The following KCNG2 variants were observed in gnomAD, a reference collection of about 807,000 sequenced individuals.
The protein encoded by KCNG2 is voltage-gated potassium channel regulatory subunit KCNG2.
In KCNG2, 7 loss-of-function variants were observed where a neutral mutation model predicts 12.3. The observed-to-expected ratio is 0.57, with a 90% confidence interval of 0.32 to 1.07. KCNG2 has a LOEUF of 1.07. Among genes scored for constraint, KCNG2 ranks in the 50% least tolerant of loss-of-function variants. KCNG2 has a pLI of 0.04. For synonymous variants in KCNG2, 414 were observed against 351.4 expected, an observed-to-expected ratio of 1.18 and a Z score of -1.99; for missense variants, 703 against 726.0, an observed-to-expected ratio of 0.97 and a Z score of 0.36.
At chr18:79,849,638 G>A (rs2123046948) in intron 1 of KCNG2, among the ~76,000 whole-genome samples, 1 of 152,384 alleles carries the variant, frequency 6.6e-6, no homozygotes, top group South Asian at 2.1e-4. Context: ...TGAGGGCCCA[G>A]CGCGGACGCT....
intron 1 of KCNG2, among the ~76,000 whole-genome samples, chr18:79,838,364 C>T (rs1978364123): frequency 6.6e-6 from 1 of 151,498 alleles, no homozygotes; most frequent in Admixed American, 6.6e-5. Context: ...AATCTTCAAA[C>T]ACTGGAAATT....
Position 79,864,112 on chromosome 18 carries a change from G to C in KCNG2, c.445G>C (p.Ala149Pro). The change falls in exon 3 of 4, where the codon GCC becomes CCC. Residue 149 changes from alanine to proline, a missense_variant. Ala to Pro is a conservative substitution (Grantham distance 27). Coordinates refer to ENST00000316249, the MANE Select transcript of KCNG2 (RefSeq NM_012283.2). ...ERGAQGSPAR[A>P]LGPRGRLQRG... ...CGGGGCGCAGGGGAGCCCGGCGCGC[G>C]CCCTGGGACCTCGGGGGCGGCTGCA... 1 of 1,159,776 alleles carries C rather than the reference G, an allele frequency of 8.6e-7. No individual in the cohort carries two copies. Among genetic ancestry groups the C allele is most frequent in the Middle Eastern group, 3.7e-4 (1 of 2,668 alleles). 71.8% of individuals were successfully genotyped at this position (1,159,776 alleles called of 1,614,324 possible).
chr18:79,834,489 G>A (rs969791393), intron 1 of KCNG2, among the ~76,000 whole-genome samples: 1 of 152,178 alleles, frequency 6.6e-6, no homozygotes, highest in Non-Finnish European at 1.5e-5. Context: ...ACAAAGTCCG[G>A]CAGAGTCAAA....
At position 79,869,116 on chromosome 18, in the gene KCNG2, A is replaced by ACC. The variant is rs139835721; in HGVS notation, c.624+4828_624+4829dup. 9.4e-3 allele frequency among the ~76,000 whole-genome samples: 1,429 copies of ACC among 152,028 alleles called. 15 individuals are homozygous for ACC. Among genetic ancestry groups the ACC allele is most frequent in the Non-Finnish European group, 0.013 (916 of 67,956 alleles). Reference sequence around the variant, plus strand: ...ACACAGCCCTGCAGACACTGGGGAGACCCCGAGCCAGAGTCCAGCTGGGAC... The same window carrying ACC: ...ACACAGCCCTGCAGACACTGGGGAGACCCCCCGAGCCAGAGTCCAGCTGGGAC... On this transcript the variant is annotated intron_variant, in intron 3 of 3. Transcript: ENST00000316249.
Position 79,863,641 on chromosome 18 carries a change from G to A in KCNG2, c.-27G>A. 8.2e-7 allele frequency: 1 copy of A among 1,213,394 alleles called. No homozygotes were observed. Among genetic ancestry groups the A allele is most frequent in the Non-Finnish European group, 1.0e-6 (1 of 974,518 alleles). The allele number at this position is 1,213,394 out of a possible 1,614,324, so 75.2% of individuals were successfully genotyped here. ...TTCCTTTTGCAGGAGCCGGGCAGGAGCCCCTCGGTCCGGTCCGGCCCTGCG... is the reference window on the plus strand; with the variant it reads ...TTCCTTTTGCAGGAGCCGGGCAGGAACCCCTCGGTCCGGTCCGGCCCTGCG... On this transcript the variant is annotated 5_prime_UTR_variant, in exon 3 of 4. Transcript: ENST00000316249.
intron 3 of KCNG2, among the ~76,000 whole-genome samples, chr18:79,869,225 C>T (rs952135036): frequency 6.6e-6 from 1 of 152,126 alleles, no homozygotes; most frequent in Non-Finnish European, 1.5e-5. Flanking sequence ...CGCGCTGAGT[C>T]TCCTGCCCCT....
At chr18:79,895,640 T>A (rs1980942267) in intron 3 of KCNG2, among the ~76,000 whole-genome samples, 1 of 152,190 alleles carries the variant, frequency 6.6e-6, no homozygotes, top group South Asian at 2.1e-4. Flanking sequence ...CTGTGTCTGC[T>A]ATTGATTGGG....
Position 79,800,142 on chromosome 18 carries a change from G to A in KCNG2, c.-115+2128G>A, listed in dbSNP as rs948665963. Among the ~76,000 whole-genome samples the A allele has an allele frequency of 1.3e-5, 2 of 152,160 alleles. No individual in the cohort carries two copies. The highest frequency in any genetic ancestry group is 2.9e-5 in the Non-Finnish European group (2 of 68,022). ...GGCGCGTCTCTCTGCAGCCCTGGCA[G>A]GCGTGGGGGCGGGAGTGAAGGGAGC... On this transcript the variant is annotated intron_variant, in intron 1 of 3. Transcript: ENST00000316249. This position sits in a 1 kb window ranked among gnomAD's most constrained non-coding sequence, Gnocchi z 4.0.
chr18:79,871,784 C>T (rs1979842652), intron 3 of KCNG2, among the ~76,000 whole-genome samples: 1 of 152,262 alleles, frequency 6.6e-6, no homozygotes, highest in Non-Finnish European at 1.5e-5. Flanking sequence ...GCCGGCATCA[C>T]ATCCTAACCC....
At chr18:79,881,943 C>G (rs975418857) in intron 3 of KCNG2, among the ~76,000 whole-genome samples, 1 of 152,186 alleles carries the variant, frequency 6.6e-6, no homozygotes, top group Admixed American at 6.5e-5. Context: ...AGTGAAAAGG[C>G]CGGGCACGGA....
chr18:79,810,598 T>C (rs1371600198), intron 1 of KCNG2, among the ~76,000 whole-genome samples: 2 of 150,640 alleles, frequency 1.3e-5, no homozygotes, highest in African/African-American at 2.4e-5. Flanking sequence ...CAAGACCCTG[T>C]CTCTAAAAAA....
intron 3 of KCNG2, 30 bp downstream of exon 3, chr18:79,864,321 G>A: frequency 6.8e-7 from 1 of 1,468,502 alleles, no homozygotes. Context: ...GCGGGGACCG[G>A]GCCGGAGCTG....
intron 1 of KCNG2, among the ~76,000 whole-genome samples, chr18:79,799,365 G>T (rs2087389967): frequency 6.6e-6 from 1 of 152,170 alleles, no homozygotes. Context: ...CCTGTTCTCT[G>T]GGATGGTGCA....
chr18:79,855,908 C>G (rs551121958), intron 1 of KCNG2, among the ~76,000 whole-genome samples: 13 of 152,236 alleles, frequency 8.5e-5, no homozygotes, highest in African/African-American at 3.1e-4. Context: ...ATGTTGGAAG[C>G]CTTTTCCCCC....
chr18:79,896,287 T>G (rs952385294), intron 3 of KCNG2, among the ~76,000 whole-genome samples: 7 of 152,288 alleles, frequency 4.6e-5, no homozygotes, highest in Admixed American at 2.0e-4. Context: ...TTTTAAAGTT[T>G]TTTTTTTTTT....
At chr18:79,818,579 A>T (rs1599368970) in intron 1 of KCNG2, among the ~76,000 whole-genome samples, 1 of 152,158 alleles carries the variant, frequency 6.6e-6, no homozygotes, top group Non-Finnish European at 1.5e-5. Flanking sequence ...AAATTAAATG[A>T]CCCCAGCCCA....
At position 79,884,012 on chromosome 18, in the gene KCNG2, T is replaced by G. The variant is rs1416774087; in HGVS notation, c.625-15028T>G. Reference sequence around the variant, plus strand: ...CCGTCCCCCGCCCCCGTCTAGCCAGTCCCCACGTCCTGACGTTTCTATCCC... The same window carrying G: ...CCGTCCCCCGCCCCCGTCTAGCCAGGCCCCACGTCCTGACGTTTCTATCCC... On this transcript the variant is annotated intron_variant, in intron 3 of 3. Coordinates refer to ENST00000316249, the MANE Select transcript of KCNG2 (RefSeq NM_012283.2). This position sits in a 1 kb window ranked among gnomAD's most constrained non-coding sequence, Gnocchi z 5.5. Among the ~76,000 whole-genome samples, 1 of 142,890 alleles carries G rather than the reference T, an allele frequency of 7.0e-6. No individual in the cohort carries two copies. The highest frequency in any genetic ancestry group is 1.5e-5 in the Non-Finnish European group (1 of 66,188). The allele number at this position is 142,890 out of a possible 152,430, so 93.7% of individuals were successfully genotyped here.
chr18:79,890,282 A>G (rs1267731368), intron 3 of KCNG2, among the ~76,000 whole-genome samples: 1 of 152,068 alleles, frequency 6.6e-6, no homozygotes, highest in Non-Finnish European at 1.5e-5. Context: ...ATTGGTATTA[A>G]TTCCTTTTTT....
intron 1 of KCNG2, among the ~76,000 whole-genome samples, chr18:79,824,267 G>C (rs764043658): frequency 6.6e-6 from 1 of 152,348 alleles, no homozygotes; most frequent in Non-Finnish European, 1.5e-5. Flanking sequence ...CCAAAGTGTG[G>C]GATTACAGGC....
Sources: gnomAD v4.1 joint callset for allele counts (sites outside exome capture counted in the v4.1 genomes callset) on GRCh38, gnomAD v4.1.1 for gene constraint, Gnocchi (gnomAD v3.1) non-coding constraint, MANE v1.5 for transcripts, NCBI Gene and HGNC (gene_info 2026-07-23, HGNC 2026-07-21) for gene names.